LRRC7: variants seen among roughly 807,000 people sequenced by gnomAD.
LRRC7 encodes the protein leucine-rich repeat-containing protein 7.
LRRC7 carries 23 observed loss-of-function variants against 175.7 expected under a neutral mutation model. That is an observed-to-expected ratio of 0.13 (90% CI 0.09 to 0.19). The LOEUF is 0.19. Ranked by LOEUF, LRRC7 falls within the 10% of genes least tolerant of loss-of-function variation. The probability of loss-of-function intolerance (pLI) is 1.00; values close to 1 mark genes in which losing one functional copy is unlikely to be tolerated. For missense variants in LRRC7, 1,354 were observed against 1,904.7 expected (o/e 0.71, Z 5.38); for synonymous variants, 685 against 680.9 (o/e 1.01, Z -0.09).
intron 8 of LRRC7, among the ~76,000 whole-genome samples, chr1:69,949,502 A>G (rs888310058): frequency 3.9e-5 from 6 of 152,126 alleles, no homozygotes; most frequent in African/African-American, 1.4e-4. Flanking sequence ...GGTTGCAGTA[A>G]GTGGAGATTG....
At chr1:69,577,364 G>T (rs891972634) in intron 1 of LRRC7, among the ~76,000 whole-genome samples, 2 of 152,156 alleles carry the variant, frequency 1.3e-5, no homozygotes, top group South Asian at 4.1e-4. Context: ...CTTTTGCTGT[G>T]CAGAAGCTCT....
intron 26 of LRRC7, among the ~76,000 whole-genome samples, chr1:70,116,071 G>A (rs1237447148): frequency 6.6e-6 from 1 of 152,156 alleles, no homozygotes; most frequent in Admixed American, 6.5e-5. Flanking sequence ...AAGAAAACAA[G>A]CATTCAAAAA....
chr1:69,765,436 C>T (rs2100962582), intron 3 of LRRC7, among the ~76,000 whole-genome samples: 1 of 152,202 alleles, frequency 6.6e-6, no homozygotes, highest in Non-Finnish European at 1.5e-5. Context: ...AGTAGTTCAA[C>T]TTTCCACCCA....
chr1:69,630,512 G>A (rs1027515965), intron 1 of LRRC7, among the ~76,000 whole-genome samples: 8 of 152,072 alleles, frequency 5.3e-5, no homozygotes, highest in South Asian at 4.2e-4. Context: ...TATTAGTAAC[G>A]AATATTATTT....
chr1:70,058,864 T>C (rs192400924), intron 23 of LRRC7, among the ~76,000 whole-genome samples: 1 of 152,210 alleles, frequency 6.6e-6, no homozygotes, highest in East Asian at 1.9e-4. Context: ...AAATCCTCTA[T>C]AGGGATGACA....
chr1:70,103,904 T>G (rs1004475014), intron 25 of LRRC7, among the ~76,000 whole-genome samples: 12 of 152,094 alleles, frequency 7.9e-5, no homozygotes, highest in African/African-American at 2.7e-4. Context: ...TATGCAATAA[T>G]AAGCTATTAT....
At chr1:69,982,798 T>TAGAC (rs1653567187) in intron 9 of LRRC7, among the ~76,000 whole-genome samples, 3 of 152,322 alleles carry the variant, frequency 2.0e-5, no homozygotes, top group Admixed American at 2.0e-4. Flanking sequence ...TGCTCACCTA[T>TAGAC]AGACCCCTCT....
chr1:69,721,393 C>A (rs558296963), intron 2 of LRRC7, among the ~76,000 whole-genome samples: 2 of 151,820 alleles, frequency 1.3e-5, no homozygotes, highest in Non-Finnish European at 1.5e-5. Context: ...TCTCTGCCAA[C>A]CACTGATTTT....
chr1:69,803,381 G>A (rs916178987), intron 4 of LRRC7, among the ~76,000 whole-genome samples: 1 of 151,362 alleles, frequency 6.6e-6, no homozygotes, highest in Non-Finnish European at 1.5e-5. Flanking sequence ...TGTAATTCAT[G>A]AACATGGTAT....
chr1:69,665,064 C>G (rs61782254), intron 1 of LRRC7, among the ~76,000 whole-genome samples: 10,234 of 152,118 alleles, frequency 0.067, 483 homozygotes, highest in East Asian at 0.22. Context: ...AAGAAACTGT[C>G]CTTTCCCCAA....
intron 2 of LRRC7, among the ~76,000 whole-genome samples, chr1:69,729,683 C>T (rs965024313): frequency 3.9e-5 from 6 of 152,182 alleles, no homozygotes; most frequent in Non-Finnish European, 8.8e-5. Context: ...GGCTGGCATT[C>T]GGTGCCTGTG....
intron 7 of LRRC7, among the ~76,000 whole-genome samples, chr1:69,878,276 G>GA (rs369453827): frequency 0.045 from 5,538 of 123,816 alleles, 305 homozygotes; most frequent in African/African-American, 0.16. Flanking sequence ...CCTTATCTTA[G>GA]AAAAAAAAAA....
intron 3 of LRRC7, among the ~76,000 whole-genome samples, chr1:69,771,360 T>G (rs906800578): frequency 6.6e-6 from 1 of 152,154 alleles, no homozygotes; most frequent in African/African-American, 2.4e-5. Flanking sequence ...GTTTTATTAT[T>G]TAAAAATTTA....
intron 10 of LRRC7, among the ~76,000 whole-genome samples, chr1:69,990,834 T>G (rs1313721859): frequency 6.6e-6 from 1 of 152,128 alleles, no homozygotes; most frequent in African/African-American, 2.4e-5. Flanking sequence ...GTAATAGATT[T>G]AATTGATTAC....
At chr1:69,638,428 A>G (rs1216264078) in intron 1 of LRRC7, among the ~76,000 whole-genome samples, 1 of 151,718 alleles carries the variant, frequency 6.6e-6, no homozygotes, top group African/African-American at 2.4e-5. Flanking sequence ...TGTTCTTTTC[A>G]TTAGAAAATC....
intron 1 of LRRC7, among the ~76,000 whole-genome samples, chr1:69,638,662 C>A (rs755706869): frequency 2.6e-5 from 4 of 151,754 alleles, no homozygotes; most frequent in Non-Finnish European, 5.9e-5. Context: ...AATAAATTAT[C>A]TAATTTTACT....
At chr1:70,082,812 T>TTTTTTTTTTTTTTTTTTTTTTTTTTTA (rs1663321284) in intron 24 of LRRC7, among the ~76,000 whole-genome samples, 1 of 139,690 alleles carries the variant, frequency 7.2e-6, no homozygotes. Flanking sequence ...TTTTTTTTTT[T>TTTTTTTTTTTTTTTTTTTTTTTTTTTA]GAGACAAAGC....
intron 8 of LRRC7, among the ~76,000 whole-genome samples, chr1:69,963,719 C>T (rs748315463): frequency 3.3e-5 from 5 of 152,026 alleles, no homozygotes; most frequent in East Asian, 1.9e-4. Flanking sequence ...TAGATTCAGA[C>T]GAAGTCACCA....
At chr1:69,691,805 A>T (rs1661911635) in intron 2 of LRRC7, among the ~76,000 whole-genome samples, 1 of 142,592 alleles carries the variant, frequency 7.0e-6, no homozygotes, top group African/African-American at 2.5e-5. Context: ...CTCAAAAAAA[A>T]AAAAAAAAAA....
Sources: gnomAD v4.1 joint callset for allele counts (sites outside exome capture counted in the v4.1 genomes callset) on GRCh38, gnomAD v4.1.1 for gene constraint, MANE v1.5 for transcripts, NCBI Gene and HGNC (gene_info 2026-07-23, HGNC 2026-07-21) for gene names.